CDIN1: variants seen among roughly 807,000 people sequenced by gnomAD.
CDIN1 encodes CDAN1 interacting nuclease 1, also known as CDAN1-interacting nuclease 1.
Under a neutral mutation model 45.3 loss-of-function variants are expected in CDIN1, and 33 were observed. That is an observed-to-expected ratio of 0.73 (90% CI 0.55 to 0.97). The LOEUF is 0.97. Ranked by LOEUF, CDIN1 falls within the 50% of genes least tolerant of loss-of-function variation. The pLI is 0.00. For missense variants in CDIN1, 303 were observed against 339.4 expected, an observed-to-expected ratio of 0.89 and a Z score of 0.84; for synonymous variants, 118 against 124.4, an observed-to-expected ratio of 0.95 and a Z score of 0.34.
intron 1 of CDIN1, among the ~76,000 whole-genome samples, chr15:36,633,729 T>G (rs1035605166): frequency 6.6e-6 from 1 of 152,032 alleles, no homozygotes; most frequent in Non-Finnish European, 1.5e-5. Context: ...CAATTTTATT[T>G]ACACTATCAT....
intron 5 of CDIN1, among the ~76,000 whole-genome samples, chr15:36,663,383 T>C (rs1340527084): frequency 6.6e-5 from 10 of 152,176 alleles, no homozygotes; most frequent in Non-Finnish European, 1.5e-4. Flanking sequence ...ACGGAAGATA[T>C]CTGAAATGGT....
At chr15:36,622,906 G>A (rs12148514) in intron 1 of CDIN1, among the ~76,000 whole-genome samples, 42,059 of 152,098 alleles carry the variant, frequency 0.28, 6,315 homozygotes, top group African/African-American at 0.4. Context: ...TTTGATGGGG[G>A]GAAGAAAATT....
chr15:36,617,596 C>G, intron 1 of CDIN1: 1 of 776,754 alleles, frequency 1.3e-6, no homozygotes, highest in Admixed American at 1.7e-5. Flanking sequence ...GACCACAGAC[C>G]CTGATGTAAT....
At chr15:36,709,006 C>A in intron 8 of CDIN1, 1 of 386,762 alleles carries the variant, frequency 2.6e-6, no homozygotes, top group Non-Finnish European at 4.6e-6. Flanking sequence ...ATAACGAAAA[C>A]ATGCAGAAAA....
At chr15:36,603,925 T>G (rs980789470) in intron 1 of CDIN1, among the ~76,000 whole-genome samples, 2 of 152,212 alleles carry the variant, frequency 1.3e-5, no homozygotes, top group Non-Finnish European at 2.9e-5. Context: ...ACTTTTTTTT[T>G]GGTAATATTT....
chr15:36,719,031 C>T (rs1301812537), intron 10 of CDIN1, among the ~76,000 whole-genome samples: 2 of 151,558 alleles, frequency 1.3e-5, no homozygotes, highest in South Asian at 4.2e-4. Flanking sequence ...CAAGACCAGC[C>T]TGGGCAACAT....
rs1395768951 is a variant in CDIN1, at chr15:36,706,755, A to G, written c.545-2468A>G. On this transcript the variant is annotated intron_variant, in intron 8 of 10. Coordinates refer to ENST00000566621, the MANE Select transcript of CDIN1 (RefSeq NM_001321759.2). ...AGACAGTTGGGACCAAGGATGAAAGATAACAGTGAGAGTTCTCCAATAAAA... is the reference window on the plus strand; with the variant it reads ...AGACAGTTGGGACCAAGGATGAAAGGTAACAGTGAGAGTTCTCCAATAAAA... 3 of 152,230 alleles carry G rather than the reference A, an allele frequency of 2.0e-5. No homozygotes were observed. The East Asian group carries it at 5.8e-4, about 29-fold the overall frequency. The allele number at this position is 152,230 out of a possible 1,614,324, so 9.4% of individuals were successfully genotyped here.
At chr15:36,806,818 A>T (rs916576651) in intron 10 of CDIN1, among the ~76,000 whole-genome samples, 13 of 152,184 alleles carry the variant, frequency 8.5e-5, no homozygotes, top group African/African-American at 2.9e-4. Context: ...AAATGGAAGC[A>T]AGTTCTTCTG....
chr15:36,782,266 G>A (rs781694975), intron 10 of CDIN1, among the ~76,000 whole-genome samples: 2 of 151,998 alleles, frequency 1.3e-5, no homozygotes, highest in Non-Finnish European at 2.9e-5. Flanking sequence ...AAAAACAAAC[G>A]ACAAGGAGGA....
chr15:36,614,420 A>C (rs777999973), intron 1 of CDIN1, among the ~76,000 whole-genome samples: 12 of 152,198 alleles, frequency 7.9e-5, no homozygotes, highest in Non-Finnish European at 1.5e-4. Flanking sequence ...TTTGGAAACA[A>C]CATTTAAGGG....
intron 10 of CDIN1, among the ~76,000 whole-genome samples, chr15:36,777,416 A>T (rs2054248272): frequency 6.6e-6 from 1 of 151,968 alleles, no homozygotes; most frequent in Non-Finnish European, 1.5e-5. Flanking sequence ...GAAAAAAAAA[A>T]AAAAAGGTCC....
intron 10 of CDIN1, among the ~76,000 whole-genome samples, chr15:36,801,395 G>A (rs1419068315): frequency 1.3e-5 from 2 of 152,088 alleles, no homozygotes; most frequent in Non-Finnish European, 2.9e-5. Context: ...ACATGGGTAA[G>A]CCAAGTTAAT....
chr15:36,734,679 C>A (rs1467667604), intron 10 of CDIN1, among the ~76,000 whole-genome samples: 1 of 152,146 alleles, frequency 6.6e-6, no homozygotes, highest in Non-Finnish European at 1.5e-5. Flanking sequence ...CAAATATATT[C>A]ATGTTTAAAT....
intron 1 of CDIN1, among the ~76,000 whole-genome samples, chr15:36,585,023 T>C (rs982289171): frequency 6.6e-6 from 1 of 152,244 alleles, no homozygotes; most frequent in African/African-American, 2.4e-5. Context: ...TTTTAATCTT[T>C]CTTGTGGACA....
chr15:36,633,084 C>T (rs2039746849), intron 1 of CDIN1, among the ~76,000 whole-genome samples: 1 of 152,156 alleles, frequency 6.6e-6, no homozygotes, highest in African/African-American at 2.4e-5. Flanking sequence ...CCAACTCCTC[C>T]TCAATTTTGT....
At chr15:36,624,132 T>A in intron 1 of CDIN1, among the ~76,000 whole-genome samples, 1 of 152,156 alleles carries the variant, frequency 6.6e-6, no homozygotes, top group Non-Finnish European at 1.5e-5. Context: ...TACAAATAGG[T>A]ATTCTAGCAA....
intron 10 of CDIN1, among the ~76,000 whole-genome samples, chr15:36,746,669 C>CCACACA (rs34320677): frequency 0.033 from 4,720 of 141,440 alleles, 159 homozygotes; most frequent in African/African-American, 0.089. Context: ...ATATATGGTT[C>CCACACA]CACACACACA....
intron 1 of CDIN1, among the ~76,000 whole-genome samples, chr15:36,632,534 T>C (rs2039721571): frequency 6.6e-6 from 1 of 152,200 alleles, no homozygotes; most frequent in Non-Finnish European, 1.5e-5. Flanking sequence ...CATAATAAGA[T>C]GATCTTTGTT....
intron 5 of CDIN1, among the ~76,000 whole-genome samples, chr15:36,667,604 TGTAC>T (rs1350156176): frequency 1.2e-4 from 19 of 152,174 alleles, no homozygotes; most frequent in African/African-American, 4.6e-4. Flanking sequence ...TCCTACAAAT[TGTAC>T]AGAGAATCAA....
Sources: gnomAD v4.1 joint callset for allele counts (sites outside exome capture counted in the v4.1 genomes callset) on GRCh38, gnomAD v4.1.1 for gene constraint, MANE v1.5 for transcripts, NCBI Gene and HGNC (gene_info 2026-07-23, HGNC 2026-07-21) for gene names.